INSYN2B: variants seen among roughly 807,000 people sequenced by gnomAD.
INSYN2B encodes the protein inhibitory synaptic factor family member 2B, also known as protein INSYN2B.
A neutral mutation model predicts 41.2 loss-of-function variants in INSYN2B; 16 were observed. That is an observed-to-expected ratio of 0.39 (90% confidence interval 0.26 to 0.59). The LOEUF (loss-of-function observed/expected upper bound fraction) is 0.59, where lower values mean the gene tolerates loss of function less well. Ranked by LOEUF, INSYN2B falls within the 20% of genes least tolerant of loss-of-function variation. The pLI is 0.57. For synonymous variants in INSYN2B, 245 were observed against 244.4 expected (o/e 1.00, Z -0.02); for missense variants, 608 against 646.4 (o/e 0.94, Z 0.64).
At chr5:169,973,590 C>T (rs1369737447) in intron 1 of INSYN2B, among the ~76,000 whole-genome samples, 1 of 152,144 alleles carries the variant, frequency 6.6e-6, no homozygotes, top group Non-Finnish European at 1.5e-5. Flanking sequence ...GGAGAGCTGG[C>T]ATTGATCCCA....
At chr5:169,941,954 C>T (rs1376512387) in intron 1 of INSYN2B, among the ~76,000 whole-genome samples, 1 of 152,222 alleles carries the variant, frequency 6.6e-6, no homozygotes, top group Non-Finnish European at 1.5e-5. Context: ...AAACACACAC[C>T]ATTCAGAAGT....
rs542645445 is a variant in INSYN2B, at chr5:169,882,979, C to T, written c.920G>A (p.Arg307Gln). The change falls in exon 2 of 4, where the codon CGG (arginine) becomes CAG (glutamine). Residue 307 changes from arginine to glutamine, a missense_variant. Transcript: ENST00000377365. Reference protein sequence around the residue: ...SKETCVPSSPRTHSSPSQGSH... With the variant: ...SKETCVPSSPQTHSSPSQGSH... ...GCCTTGTGAGGGGGAACTGTGAGTC[C>T]GTGGAGATGAAGGAACACACGTTTC... The T allele has an allele frequency of 2.2e-5, 34 of 1,551,480 alleles. No individual in the cohort carries two copies. Among genetic ancestry groups the T allele is most frequent in the South Asian group, 7.1e-5 (6 of 83,990 alleles).
intron 1 of INSYN2B, among the ~76,000 whole-genome samples, chr5:169,892,139 A>C (rs1773332881): frequency 1.3e-5 from 2 of 152,194 alleles, no homozygotes; most frequent in Admixed American, 1.3e-4. Flanking sequence ...ATCCAAGCTT[A>C]AGCACAATTC....
chr5:169,901,648 A>T (rs1182091344), intron 1 of INSYN2B, among the ~76,000 whole-genome samples: 4 of 152,226 alleles, frequency 2.6e-5, no homozygotes, highest in African/African-American at 9.6e-5. Context: ...ACTCAAAAAC[A>T]CTGAGTATTA....
chr5:169,937,513 T>C (rs1320585961), intron 1 of INSYN2B, among the ~76,000 whole-genome samples: 1 of 152,258 alleles, frequency 6.6e-6, no homozygotes, highest in Non-Finnish European at 1.5e-5. Flanking sequence ...AATAAAAGGC[T>C]AATGAGATTA....
At position 169,911,283 on chromosome 5, in the gene INSYN2B, C is replaced by T. The variant is rs572579881; in HGVS notation, c.-918-26467G>A. On this transcript the variant is annotated intron_variant, in intron 1 of 3. Transcript: ENST00000377365. ...TCATGCCTTTCTCAGATCCTTATTA[C>T]GCCTCTGCTGCATTCCACACACATA... Among the ~76,000 whole-genome samples, 21 of 152,280 alleles carry T rather than the reference C, an allele frequency of 1.4e-4. No homozygotes were observed. In the East Asian group the frequency reaches 2.5e-3, roughly 18 times the overall value.
rs559854016 is a variant in INSYN2B at position 169,887,259 on chromosome 5, G to A, written c.-918-2443C>T. ...CCTGCCTTTTCTCCAGGAAGTTTAT[G>A]TATCCTTTAGATGTTTTCTTTTGAT... On this transcript the variant is annotated intron_variant, in intron 1 of 3. Transcript: ENST00000377365. Among the ~76,000 whole-genome samples the A allele has an allele frequency of 7.9e-5, 12 of 152,250 alleles. No individual in the cohort carries two copies. The South Asian group carries it at 1.7e-3, about 21-fold the overall frequency.
rs1320781185 is a variant in INSYN2B at position 169,884,639 on chromosome 5, T to C, written c.-741A>G. ...CAGTGGGGTATGACCAGGACAGGAT[T>C]GAGGAATCACAGGGGATTCAGTGGG... On this transcript the variant is annotated 5_prime_UTR_variant, in exon 2 of 4. Coordinates refer to ENST00000377365, the MANE Select transcript of INSYN2B (RefSeq NM_001129891.3). The C allele has an allele frequency of 6.6e-6, 1 of 152,256 alleles. No individual in the cohort carries two copies. Among genetic ancestry groups the C allele is most frequent in the Non-Finnish European group, 1.5e-5 (1 of 68,044 alleles). 9.4% of individuals were successfully genotyped at this position (152,256 alleles called of 1,614,324 possible).
rs1774880100 is a variant in INSYN2B at position 169,916,462 on chromosome 5, GCAT to G, written c.-918-31649_-918-31647del. Among the ~76,000 whole-genome samples, 4 of 152,336 alleles carry G rather than the reference GCAT, an allele frequency of 2.6e-5. No homozygotes were observed. In the South Asian group the frequency reaches 8.3e-4, roughly 32 times the overall value. On this transcript the variant is annotated intron_variant, in intron 1 of 3. Transcript: ENST00000377365. ...CAAATGCACTTAGAGAGTGAGAGCA[GCAT>G]AGCAAAGTGATGAAGGGGATGGACG...
Position 169,883,969 on chromosome 5 carries a change from G to T in INSYN2B, c.-71C>A. The T allele has an allele frequency of 7.5e-7, 1 of 1,340,014 alleles. No individual in the cohort carries two copies. Among genetic ancestry groups the T allele is most frequent in the East Asian group, 2.5e-5 (1 of 39,292 alleles). 83.0% of individuals were successfully genotyped at this position (1,340,014 alleles called of 1,614,324 possible). A position where few individuals can be genotyped will look rare whatever the true frequency, so the allele number is the denominator to read the frequency against. Reference sequence around the variant, plus strand: ...CATCTCCCCTTAGGTCTTTGGAGCAGTATCTAATGATAGTATTTCAATCAT... The same window carrying T: ...CATCTCCCCTTAGGTCTTTGGAGCATTATCTAATGATAGTATTTCAATCAT... On this transcript the variant is annotated 5_prime_UTR_variant, in exon 2 of 4. It adds an upstream start codon to the 5' untranslated region. Coordinates refer to ENST00000377365, the MANE Select transcript of INSYN2B (RefSeq NM_001129891.3).
chr5:169,906,472 T>C (rs1394802565), intron 1 of INSYN2B, among the ~76,000 whole-genome samples: 1 of 151,808 alleles, frequency 6.6e-6, no homozygotes, highest in Non-Finnish European at 1.5e-5. Context: ...TTAAAATTTA[T>C]TTTATTTTGT....
intron 1 of INSYN2B, among the ~76,000 whole-genome samples, chr5:169,955,820 G>A (rs1272986354): frequency 6.6e-6 from 1 of 152,188 alleles, no homozygotes; most frequent in Non-Finnish European, 1.5e-5. Flanking sequence ...CTACATAGCA[G>A]AGGCTCCATC....
intron 1 of INSYN2B, among the ~76,000 whole-genome samples, chr5:169,963,081 G>T (rs1217394726): frequency 2.0e-5 from 3 of 152,124 alleles, no homozygotes; most frequent in Non-Finnish European, 4.4e-5. Flanking sequence ...ATATCTACTG[G>T]GTTCCCCTGG....
At chr5:169,893,944 G>A (rs1243506241) in intron 1 of INSYN2B, among the ~76,000 whole-genome samples, 6 of 152,118 alleles carry the variant, frequency 3.9e-5, no homozygotes, top group African/African-American at 1.2e-4. Context: ...ATCTCTTCCT[G>A]TAGATTGTCT....
At chr5:169,903,853 A>T (rs556788909) in intron 1 of INSYN2B, among the ~76,000 whole-genome samples, 1 of 151,986 alleles carries the variant, frequency 6.6e-6, no homozygotes, top group Non-Finnish European at 1.5e-5. Context: ...TAATCCCAGC[A>T]CTTTGGGAGG....
chr5:169,969,225 A>G (rs1777410408), intron 1 of INSYN2B, among the ~76,000 whole-genome samples: 1 of 152,092 alleles, frequency 6.6e-6, no homozygotes, highest in South Asian at 2.1e-4. Context: ...CAGATAGATC[A>G]CCTGAGGTCA....
Position 169,895,695 on chromosome 5 carries a change from A to G in INSYN2B, c.-918-10879T>C, listed in dbSNP as rs150703109. Among the ~76,000 whole-genome samples the G allele has an allele frequency of 5.0e-3, 757 of 151,818 alleles. 5 individuals carry two copies. The highest frequency in any genetic ancestry group is 0.015 in the African/African-American group (634 of 41,482). On this transcript the variant is annotated intron_variant, in intron 1 of 3. Transcript: ENST00000377365. ...TTCCATCTCCTGGAATGAAATACTTATCATGACTTGGCAAAGCCTTTCTCT... is the reference window on the plus strand; with the variant it reads ...TTCCATCTCCTGGAATGAAATACTTGTCATGACTTGGCAAAGCCTTTCTCT...
chr5:169,893,041 C>T (rs1181408133), intron 1 of INSYN2B, among the ~76,000 whole-genome samples: 1 of 152,174 alleles, frequency 6.6e-6, no homozygotes, highest in Admixed American at 6.6e-5. Context: ...TTTTGTTCCT[C>T]TCTAGCCCCT....
At chr5:169,878,764 T>C (rs148111491) in intron 3 of INSYN2B, among the ~76,000 whole-genome samples, 107 of 152,318 alleles carry the variant, frequency 7.0e-4, no homozygotes, top group African/African-American at 2.5e-3. Flanking sequence ...TAAGGAGAAG[T>C]GAAGGGAGTG....
Sources: allele counts gnomAD v4.1 joint callset (sites outside exome capture counted in the v4.1 genomes callset), GRCh38; gene constraint gnomAD v4.1.1; transcripts MANE v1.5; gene names NCBI Gene and HGNC (gene_info 2026-07-23, HGNC 2026-07-21).